FAT3: variants seen among roughly 807,000 people sequenced by gnomAD.
The protein encoded by FAT3 is protocadherin Fat 3.
Under a neutral mutation model 310.2 loss-of-function variants are expected in FAT3, and 95 were observed. The observed-to-expected ratio is 0.31, with a 90% CI of 0.26 to 0.36. The LOEUF (loss-of-function observed/expected upper bound fraction) is 0.36. Ranked by LOEUF, FAT3 falls within the 10% of genes least tolerant of loss-of-function variation. FAT3 has a pLI of 1.00. For synonymous variants in FAT3, 2,314 were observed against 2,192.9 expected, an observed-to-expected ratio of 1.06 and a Z score of -1.54; for missense variants, 5,408 against 5,715.6, an observed-to-expected ratio of 0.95 and a Z score of 1.74.
At chr11:92,385,487 C>T (rs1435006013) in intron 2 of FAT3, among the ~76,000 whole-genome samples, 1 of 152,150 alleles carries the variant, frequency 6.6e-6, no homozygotes, top group Non-Finnish European at 1.5e-5. Flanking sequence ...CGTGCCTCAG[C>T]CTCCCAAGTA....
intron 15 of FAT3, 138 bp from the exon 16 acceptor site, chr11:92,836,428 T>C: frequency 1.2e-6 from 1 of 858,458 alleles, no homozygotes; most frequent in Non-Finnish European, 1.7e-6. Context: ...GCTGGGGGCG[T>C]GGTCACTAAC....
intron 1 of FAT3, among the ~76,000 whole-genome samples, chr11:92,246,369 C>G (rs915409509): frequency 6.6e-6 from 1 of 151,992 alleles, no homozygotes; most frequent in African/African-American, 2.4e-5. Context: ...ATGAGTTGTG[C>G]ACCATGCACT....
At chr11:92,553,581 C>G (rs1023299435) in intron 3 of FAT3, among the ~76,000 whole-genome samples, 1 of 152,206 alleles carries the variant, frequency 6.6e-6, no homozygotes, top group African/African-American at 2.4e-5. Context: ...AATGAAGGAA[C>G]CTGGGCCTTG....
intron 1 of FAT3, among the ~76,000 whole-genome samples, chr11:92,271,069 A>G (rs1276701923): frequency 1.3e-5 from 2 of 152,076 alleles, no homozygotes; most frequent in South Asian, 2.1e-4. Flanking sequence ...GTGTTCCTGC[A>G]GCAGCCTCCA....
rs75940509 is a variant in FAT3, at chr11:92,424,286, A to T, written c.3292+68882A>T. ...ACTTTGCTAATTTTGATAGTTTTTG[A>T]ATTAGATGTGAATTATACCTGCTTA... On this transcript the variant is annotated intron_variant, in intron 2 of 27. Transcript: ENST00000525166. 5.0e-3 allele frequency among the ~76,000 whole-genome samples: 754 copies of T among 152,198 alleles called. 5 individuals are homozygous for T. The highest frequency in any genetic ancestry group is 0.017 in the African/African-American group (719 of 41,538).
chr11:92,486,460 A>G (rs1369088959), intron 2 of FAT3, among the ~76,000 whole-genome samples: 1 of 152,004 alleles, frequency 6.6e-6, no homozygotes, highest in Non-Finnish European at 1.5e-5. Context: ...TACAAAGTAC[A>G]GGGAAAAGAA....
intron 13 of FAT3, among the ~76,000 whole-genome samples, chr11:92,825,637 G>T (rs1482694868): frequency 6.6e-6 from 1 of 152,138 alleles, no homozygotes; most frequent in African/African-American, 2.4e-5. Context: ...ACACTGGAAA[G>T]GGGGGTTGGG....
chr11:92,509,124 A>G (rs1953207077), intron 2 of FAT3, among the ~76,000 whole-genome samples: 1 of 152,174 alleles, frequency 6.6e-6, no homozygotes, highest in Non-Finnish European at 1.5e-5. Context: ...GGAGCAGTTT[A>G]AGGATGTTAA....
chr11:92,716,184 A>C (rs1944678855), intron 4 of FAT3, among the ~76,000 whole-genome samples: 1 of 152,174 alleles, frequency 6.6e-6, no homozygotes, highest in Admixed American at 6.5e-5. Flanking sequence ...AGATACCTGG[A>C]TAAATGGGCA....
At chr11:92,549,959 G>A (rs1017051006) in intron 3 of FAT3, among the ~76,000 whole-genome samples, 2 of 152,106 alleles carry the variant, frequency 1.3e-5, no homozygotes, top group Admixed American at 1.3e-4. Context: ...ATAAACAAGG[G>A]TACTGAAGCT....
At chr11:92,700,748 T>A (rs1944074863) in intron 4 of FAT3, among the ~76,000 whole-genome samples, 1 of 152,136 alleles carries the variant, frequency 6.6e-6, no homozygotes, top group African/African-American at 2.4e-5. Flanking sequence ...TGCTAAGGCT[T>A]TCAGAAACCA....
intron 13 of FAT3, among the ~76,000 whole-genome samples, chr11:92,819,914 A>G (rs1468123275): frequency 1.3e-5 from 2 of 152,236 alleles, no homozygotes; most frequent in Non-Finnish European, 2.9e-5. Context: ...AAAGATGCCA[A>G]TATTCCTCCG....
intron 2 of FAT3, among the ~76,000 whole-genome samples, chr11:92,448,074 C>T (rs752632994): frequency 6.6e-6 from 1 of 152,048 alleles, no homozygotes; most frequent in Admixed American, 6.6e-5. Flanking sequence ...TGTGTGGCCT[C>T]GGACAAGTCT....
chr11:92,361,013 A>G (rs1440847343), intron 2 of FAT3, among the ~76,000 whole-genome samples: 1 of 152,210 alleles, frequency 6.6e-6, no homozygotes, highest in Non-Finnish European at 1.5e-5. Flanking sequence ...TTATTGCTAT[A>G]TAACAAACAA....
chr11:92,741,137 G>T (rs1034009883), intron 4 of FAT3, among the ~76,000 whole-genome samples: 8 of 152,144 alleles, frequency 5.3e-5, no homozygotes, highest in African/African-American at 1.9e-4. Context: ...CACTTTTTGT[G>T]CTCAAGCAAT....
At chr11:92,712,182 T>A (rs188804223) in intron 4 of FAT3, among the ~76,000 whole-genome samples, 133 of 152,242 alleles carry the variant, frequency 8.7e-4, no homozygotes, top group Non-Finnish European at 1.6e-3. Flanking sequence ...TGCCTTCTCA[T>A]GTTTAAAAGC....
At chr11:92,761,692 A>G (rs772582242) in intron 4 of FAT3, among the ~76,000 whole-genome samples, 164 bp from the exon 5 acceptor site, 7 of 152,184 alleles carry the variant, frequency 4.6e-5, no homozygotes, top group Non-Finnish European at 7.4e-5. Context: ...TTTAAGGGGG[A>G]CACAATTCAA....
chr11:92,526,352 A>G (rs1240785846), intron 3 of FAT3, among the ~76,000 whole-genome samples: 1 of 152,144 alleles, frequency 6.6e-6, no homozygotes, highest in Non-Finnish European at 1.5e-5. Flanking sequence ...ACAAAAACAA[A>G]AACAAACAAT....
intron 21 of FAT3, among the ~76,000 whole-genome samples, chr11:92,861,980 G>C (rs1949131406): frequency 6.6e-6 from 1 of 152,108 alleles, no homozygotes; most frequent in African/African-American, 2.4e-5. Flanking sequence ...AATGCTCATG[G>C]ACAAAGAATA....
Sources: allele counts gnomAD v4.1 joint callset (sites outside exome capture counted in the v4.1 genomes callset), GRCh38; gene constraint gnomAD v4.1.1; transcripts MANE v1.5; gene names NCBI Gene and HGNC (gene_info 2026-07-23, HGNC 2026-07-21).